MRPL15: variants seen among roughly 807,000 people sequenced by gnomAD.
The protein encoded by MRPL15 is mitochondrial ribosomal protein L15.
In MRPL15, 24 loss-of-function variants were observed where a neutral mutation model predicts 28.0. The ratio of observed to expected loss-of-function variants is 0.86; its 90% CI spans 0.62 to 1.21. MRPL15 has a LOEUF of 1.21. Among genes scored for constraint, MRPL15 ranks in the 50% most tolerant of loss-of-function variants. The probability of loss-of-function intolerance (pLI) is 0.00; values close to 1 mark genes in which losing one functional copy is unlikely to be tolerated. For synonymous variants in MRPL15, 124 were observed against 137.0 expected, an observed-to-expected ratio of 0.90 and a Z score of 0.66; for missense variants, 343 against 372.4, an observed-to-expected ratio of 0.92 and a Z score of 0.65.
chr8:54,137,060 G>A (rs1810837327), intron 2 of MRPL15, among the ~76,000 whole-genome samples: 1 of 152,136 alleles, frequency 6.6e-6, no homozygotes, highest in Admixed American at 6.6e-5. Context: ...TGCTTAGAGA[G>A]GGAAATAATT....
At chr8:54,139,078 C>T (rs1176809483) in intron 3 of MRPL15, among the ~76,000 whole-genome samples, 1 of 151,792 alleles carries the variant, frequency 6.6e-6, no homozygotes, top group African/African-American at 2.4e-5. Context: ...CGGCTCACTG[C>T]GATCTCCACC....
At chr8:54,141,248 T>C (rs1810920163) in intron 3 of MRPL15, among the ~76,000 whole-genome samples, 1 of 152,246 alleles carries the variant, frequency 6.6e-6, no homozygotes, top group Admixed American at 6.5e-5. Context: ...CCTCTGTGCG[T>C]TGGTATTTCC....
intron 3 of MRPL15, among the ~76,000 whole-genome samples, chr8:54,141,302 G>A (rs1197641656): frequency 6.6e-6 from 1 of 151,892 alleles, no homozygotes; most frequent in Admixed American, 6.6e-5. Context: ...CGGTATTTCC[G>A]ATCTATGAAA....
chr8:54,136,421 T>G, intron 1 of MRPL15, 90 bp from the exon 2 acceptor site: 7 of 1,410,654 alleles, frequency 5.0e-6, no homozygotes, highest in Non-Finnish European at 5.8e-6. Flanking sequence ...GTGGGCTGGA[T>G]GAATGAACAG....
Position 54,147,234 on chromosome 8 carries a change from A to G in MRPL15, c.554-148A>G, listed in dbSNP as rs187558052. 1.2e-3 allele frequency: 761 copies of G among 626,826 alleles called. 9 individuals are homozygous for G. Among genetic ancestry groups the G allele is most frequent in the Middle Eastern group, 4.5e-4 (1 of 2,200 alleles). 38.8% of individuals were successfully genotyped at this position (626,826 alleles called of 1,614,324 possible). On this transcript the variant is annotated intron_variant, in intron 4 of 4. Transcript: ENST00000260102. ...GCAACAAGAGTGAAACTGCGTCTCA[A>G]AAAAAAAATAATAAAAATTAATAAT...
Position 54,137,275 on chromosome 8 carries a change from C to G in MRPL15, c.271C>G (p.Arg91Gly). 2.5e-6 allele frequency: 4 copies of G among 1,611,412 alleles called. No homozygotes were observed. The highest frequency in any genetic ancestry group is 3.4e-6 in the Non-Finnish European group (4 of 1,179,202). The change falls in exon 3 of 5, where the codon CGC (arginine) becomes GGC (glycine). Residue 91 changes from arginine to glycine, a missense_variant. Coordinates refer to ENST00000260102, the MANE Select transcript of MRPL15 (RefSeq NM_014175.4). Reference sequence around the variant, plus strand: ...TACATTCTTGTTTTACAGTTTCAGACGCCAGTATAAGCCTTTGAGTCTCAA... The same window carrying G: ...TACATTCTTGTTTTACAGTTTCAGAGGCCAGTATAAGCCTTTGAGTCTCAA... ...YGFNEGHSFR[R>G]QYKPLSLNRL...
In MRPL15 at chr8:54,137,387, C is replaced by CCT; in HGVS notation, c.384_385insTC (p.Ile129SerfsTer35). The stretch of plus-strand genomic sequence containing the variant: ...CAGCTTGTCAATGGGAGAGGTGTGA[C>CCT]CATCCAGCCACTTAAAAGGGATTAT... On this transcript the variant is annotated frameshift_variant, in exon 3 of 5. Coordinates refer to ENST00000260102, the MANE Select transcript of MRPL15 (RefSeq NM_014175.4). LOFTEE classifies it high-confidence loss of function. The CCT allele has an allele frequency of 6.2e-7, 1 of 1,614,104 alleles. No homozygotes were observed. The highest frequency in any genetic ancestry group is 1.1e-5 in the South Asian group (1 of 91,076).
Position 54,147,778 on chromosome 8 carries a change from A to G in MRPL15, c.*59A>G, listed in dbSNP as rs1811071838. 2.9e-6 allele frequency: 4 copies of G among 1,388,394 alleles called. No individual in the cohort carries two copies. Among genetic ancestry groups the G allele is most frequent in the Non-Finnish European group, 3.9e-6 (4 of 1,020,180 alleles). 86.0% of individuals were successfully genotyped at this position (1,388,394 alleles called of 1,614,324 possible). A position where few individuals can be genotyped will look rare whatever the true frequency, so the allele number is the denominator to read the frequency against. On this transcript the variant is annotated 3_prime_UTR_variant, in exon 5 of 5. Coordinates refer to ENST00000260102, the MANE Select transcript of MRPL15 (RefSeq NM_014175.4). The stretch of plus-strand genomic sequence containing the variant: ...TACTGGAATAGGGGCTGAAGGATCT[A>G]TATTCCCTTATTGCATTTTCCTTAT...
chr8:54,136,472 T>G, intron 1 of MRPL15, 39 bp from the exon 2 acceptor site: 1 of 1,583,444 alleles, frequency 6.3e-7, no homozygotes, highest in Non-Finnish European at 8.6e-7. Flanking sequence ...TTTTTAGAAA[T>G]GCATCTGAAA....
Position 54,147,489 on chromosome 8 carries a change from G to A in MRPL15, c.661G>A (p.Gly221Arg). Residue 221 changes from glycine to arginine, a missense_variant, in exon 5 of 5, where the codon GGG (glycine) becomes AGG (arginine). Physicochemically the swap from Gly to Arg is moderately radical, Grantham distance 125 (BLOSUM62 -2). Transcript: ENST00000260102. ...ATATTACACTGATGCAAAGAACCGT[G>A]GGTACCTGGCGGATCCTGCCAAATT... Reference protein sequence around the residue: ...VPYYTDAKNRGYLADPAKFPE... With the variant: ...VPYYTDAKNRRYLADPAKFPE... 1.2e-6 allele frequency: 2 copies of A among 1,614,156 alleles called. No individual in the cohort carries two copies. The highest frequency in any genetic ancestry group is 1.1e-5 in the South Asian group (1 of 91,082).
At chr8:54,143,036 A>C (rs1190626085) in intron 4 of MRPL15, among the ~76,000 whole-genome samples, 1 of 152,112 alleles carries the variant, frequency 6.6e-6, no homozygotes, top group Non-Finnish European at 1.5e-5. Flanking sequence ...ATTCTCTAGA[A>C]TGTCTAGCAG....
At chr8:54,145,980 T>G (rs534289567) in intron 4 of MRPL15, among the ~76,000 whole-genome samples, 1 of 152,298 alleles carries the variant, frequency 6.6e-6, no homozygotes, top group East Asian at 1.9e-4. Context: ...CTGCCTGGAG[T>G]ACCTCCTAAT....
At chr8:54,142,583 C>G in intron 3 of MRPL15, 80 bp from the exon 4 acceptor site, 1 of 1,519,916 alleles carries the variant, frequency 6.6e-7, no homozygotes, top group South Asian at 1.3e-5. Context: ...GGGAAAAACA[C>G]TGTCTAAAAA....
At chr8:54,138,825 TTTC>T (rs960771299) in intron 3 of MRPL15, among the ~76,000 whole-genome samples, 2 of 152,076 alleles carry the variant, frequency 1.3e-5, no homozygotes, top group South Asian at 2.1e-4. Context: ...ATTGCTTTAC[TTTC>T]TTCTTTATTT....
At chr8:54,142,531 T>G in intron 3 of MRPL15, 132 bp from the exon 4 acceptor site, 1 of 1,014,422 alleles carries the variant, frequency 9.9e-7, no homozygotes, top group Non-Finnish European at 1.4e-6. Context: ...AACCCACAGA[T>G]ATGGAGGACT....
chr8:54,144,715 AGCTGAGATC>A lies in MRPL15; in HGVS notation c.553+1941_553+1949del, dbSNP rs759577583. 6.2e-4 allele frequency among the ~76,000 whole-genome samples: 94 copies of A among 152,110 alleles called. 2 individuals carry two copies. In the South Asian group the frequency reaches 0.019, roughly 31 times the overall value. ...GAACCTGGGAGCAGAGGTTGTAGTG[AGCTGAGATC>A]GCTGAGATCGCGCCACTGCACTCCA... On this transcript the variant is annotated intron_variant, in intron 4 of 4. Coordinates refer to ENST00000260102, the MANE Select transcript of MRPL15 (RefSeq NM_014175.4).
chr8:54,139,501 C>T lies in MRPL15; in HGVS notation c.429+2068C>T, dbSNP rs145622777. The stretch of plus-strand genomic sequence containing the variant: ...ACAAGATTAAGCCTCAGTATTCTAC[C>T]CTGAGTGTATATAAAGAAATACACA... On this transcript the variant is annotated intron_variant, in intron 3 of 4. Coordinates refer to ENST00000260102, the MANE Select transcript of MRPL15 (RefSeq NM_014175.4). 1.3e-3 allele frequency among the ~76,000 whole-genome samples: 201 copies of T among 152,114 alleles called. 2 individuals are homozygous for T. The East Asian group carries it at 0.029, about 22-fold the overall frequency.
intron 3 of MRPL15, among the ~76,000 whole-genome samples, chr8:54,138,301 C>CTTTTTTTTT (rs71254537): frequency 1.8e-5 from 1 of 57,010 alleles, no homozygotes; most frequent in African/African-American, 8.0e-5. Flanking sequence ...TCAGGAAGAT[C>CTTTTTTTTT]TTTTTTTTTT....
chr8:54,146,542 G>C (rs1034238994), intron 4 of MRPL15, among the ~76,000 whole-genome samples: 3 of 151,974 alleles, frequency 2.0e-5, no homozygotes, highest in Non-Finnish European at 4.4e-5. Context: ...TACTATACAT[G>C]TGTGAATGGA....
Sources: gnomAD v4.1 joint callset for allele counts (sites outside exome capture counted in the v4.1 genomes callset) on GRCh38, gnomAD v4.1.1 for gene constraint, MANE v1.5 for transcripts, NCBI Gene and HGNC (gene_info 2026-07-23, HGNC 2026-07-21) for gene names.